The following ANKS1B variants were observed in gnomAD, a reference collection of about 807,000 sequenced individuals.
ANKS1B encodes ankyrin repeat and sterile alpha motif domain-containing protein 1B.
ANKS1B carries 36 observed loss-of-function variants against 148.3 expected under a neutral mutation model. That is an observed-to-expected ratio of 0.24 (90% confidence interval 0.19 to 0.32). ANKS1B has a LOEUF of 0.32. Among genes scored for constraint, ANKS1B ranks in the 10% least tolerant of loss-of-function variants. The probability of loss-of-function intolerance (pLI) is 1.00; values close to 1 mark genes in which losing one functional copy is unlikely to be tolerated. For synonymous variants in ANKS1B, 542 were observed against 560.8 expected (o/e 0.97, Z 0.47); for missense variants, 1,157 against 1,542.6 (o/e 0.75, Z 4.19).
rs529332131 is a variant in ANKS1B at position 99,343,232 on chromosome 12, T to A, written c.1756+56399A>T. Among the ~76,000 whole-genome samples, 5 of 152,134 alleles carry A rather than the reference T, an allele frequency of 3.3e-5. No homozygotes were observed. In the East Asian group the frequency reaches 9.7e-4, roughly 29 times the overall value. ...ATTTAGTGATGAGCAGGAGCCACAT[T>A]CAATGAAGAAAATTAAGTAGCAGTC... On this transcript the variant is annotated intron_variant, in intron 12 of 26. Transcript: ENST00000683438.
intron 8 of ANKS1B, among the ~76,000 whole-genome samples, chr12:99,757,527 C>G (rs554585930): frequency 5.3e-5 from 8 of 152,004 alleles, no homozygotes; most frequent in African/African-American, 9.6e-5. Flanking sequence ...GAAGACAGTA[C>G]GGTGATTCCT....
intron 9 of ANKS1B, among the ~76,000 whole-genome samples, chr12:99,544,344 T>G (rs2097153887): frequency 6.6e-6 from 1 of 152,166 alleles, no homozygotes; most frequent in African/African-American, 2.4e-5. Context: ...CTGCCTTAGG[T>G]GTTCAGATCC....
chr12:99,734,418 C>T (rs537768632), intron 8 of ANKS1B, among the ~76,000 whole-genome samples: 31 of 152,210 alleles, frequency 2.0e-4, no homozygotes, highest in South Asian at 6.2e-4. Context: ...TCAGCACCCC[C>T]GAGTAGCTGG....
chr12:99,173,065 C>T (rs1433679956), intron 14 of ANKS1B, among the ~76,000 whole-genome samples: 1 of 152,128 alleles, frequency 6.6e-6, no homozygotes, highest in African/African-American at 2.4e-5. Context: ...AAGAACTCAT[C>T]AGGAAACTCT....
chr12:99,246,298 ATGG>A lies in ANKS1B; in HGVS notation c.2320_2322del (p.Pro774del). The A allele has an allele frequency of 6.3e-7, 1 of 1,598,476 alleles. No individual in the cohort carries two copies. The highest frequency in any genetic ancestry group is 8.5e-7 in the Non-Finnish European group (1 of 1,171,994). ...ACTTCTTCCCATTCCGATGTGAAGG[ATGG>A]TGTTCTTTCAGAATTCCCTTTAGAA... is the stretch of plus-strand genomic sequence containing the variant. On this transcript the variant is annotated inframe_deletion, in exon 13 of 27. Coordinates refer to ENST00000683438, the MANE Select transcript of ANKS1B (RefSeq NM_001352186.2).
At chr12:98,928,125 TA>T (rs1329436996) in intron 17 of ANKS1B, among the ~76,000 whole-genome samples, 1 of 150,878 alleles carries the variant, frequency 6.6e-6, no homozygotes, top group Non-Finnish European at 1.5e-5. Flanking sequence ...TGTGCAGAAA[TA>T]AAACAAAAGA....
intron 15 of ANKS1B, among the ~76,000 whole-genome samples, chr12:99,118,042 T>C (rs558438774): frequency 6.6e-6 from 1 of 152,364 alleles, no homozygotes; most frequent in East Asian, 1.9e-4. Context: ...TCAGTGGTGA[T>C]ATCCCCTTTA....
At chr12:99,446,138 G>A (rs1268512630) in intron 10 of ANKS1B, among the ~76,000 whole-genome samples, 1 of 151,910 alleles carries the variant, frequency 6.6e-6, no homozygotes, top group East Asian at 1.9e-4. Flanking sequence ...GGTGGGGTGG[G>A]GGAGTAATCA....
At chr12:98,847,977 G>A (rs2099491716) in intron 17 of ANKS1B, among the ~76,000 whole-genome samples, 1 of 152,130 alleles carries the variant, frequency 6.6e-6, no homozygotes, top group Non-Finnish European at 1.5e-5. Flanking sequence ...TTTAATACAT[G>A]TTTATTTTGT....
chr12:99,633,315 C>T (rs10860477), intron 9 of ANKS1B, among the ~76,000 whole-genome samples: 1 of 151,800 alleles, frequency 6.6e-6, no homozygotes, highest in East Asian at 2.0e-4. Context: ...AGAACAGAGC[C>T]CTCAGAAATA....
intron 19 of ANKS1B, among the ~76,000 whole-genome samples, chr12:98,813,076 T>C (rs2099110588): frequency 6.6e-6 from 1 of 152,226 alleles, no homozygotes; most frequent in African/African-American, 2.4e-5. Context: ...TAATTATGTT[T>C]ATGAAAATAA....
rs1476583180 is a variant in ANKS1B at position 99,930,204 on chromosome 12, A to G, written c.134+53900T>C. 1.9e-3 allele frequency among the ~76,000 whole-genome samples: 285 copies of G among 151,272 alleles called. 1 individual carries two copies. Among genetic ancestry groups the G allele is most frequent in the African/African-American group, 6.5e-3 (263 of 40,764 alleles). On this transcript the variant is annotated intron_variant, in intron 1 of 26. Transcript: ENST00000683438. ...AGTGGTTTGTAGTTCTCCTTGAAGAAGTCCTTCACATCCCTTGTAAGTTGG... is the reference window on the plus strand; with the variant it reads ...AGTGGTTTGTAGTTCTCCTTGAAGAGGTCCTTCACATCCCTTGTAAGTTGG...
chr12:99,103,391 G>T (rs529956835), intron 15 of ANKS1B, among the ~76,000 whole-genome samples: 2 of 152,004 alleles, frequency 1.3e-5, no homozygotes, highest in African/African-American at 2.4e-5. Context: ...GAACTCCTTC[G>T]ACATCTCTCC....
chr12:98,750,700 G>T (rs1337744438), intron 26 of ANKS1B, among the ~76,000 whole-genome samples: 2 of 152,214 alleles, frequency 1.3e-5, no homozygotes, highest in African/African-American at 4.8e-5. Context: ...TACCAGAGGA[G>T]GCCGCTTTGA....
chr12:99,416,001 T>C (rs1250956086), intron 11 of ANKS1B, among the ~76,000 whole-genome samples: 1 of 152,054 alleles, frequency 6.6e-6, no homozygotes, highest in East Asian at 1.9e-4. Flanking sequence ...CTTTTATAGC[T>C]ACACTCACTT....
Position 98,834,338 on chromosome 12 carries a change from A to G in ANKS1B, c.2779-2202T>C, listed in dbSNP as rs117547797. On this transcript the variant is annotated intron_variant, in intron 17 of 26. Transcript: ENST00000683438. ...AGGTGTAAGTGAACCATGGCTTTACATTTATGCAGGATACTGTTTTCTGCT... is the reference window on the plus strand; with the variant it reads ...AGGTGTAAGTGAACCATGGCTTTACGTTTATGCAGGATACTGTTTTCTGCT... 3.7e-3 allele frequency among the ~76,000 whole-genome samples: 557 copies of G among 152,314 alleles called. 13 individuals carry two copies. In the East Asian group the frequency reaches 0.053, roughly 15 times the overall value.
rs376105917 is a variant in ANKS1B at position 99,510,094 on chromosome 12, A to G, written c.1273-5453T>C. ...CCACTATTGAGACCTACTATTCACA[A>G]GAAAAGATTCCTTTCAAAATATTAC... On this transcript the variant is annotated intron_variant, in intron 9 of 26. Transcript: ENST00000683438. 9.9e-5 allele frequency among the ~76,000 whole-genome samples: 15 copies of G among 152,136 alleles called. No homozygotes were observed. In the South Asian group the frequency reaches 1.7e-3, roughly 17 times the overall value.
intron 9 of ANKS1B, among the ~76,000 whole-genome samples, chr12:99,650,308 C>CCT (rs72449649): frequency 6.6e-6 from 1 of 151,906 alleles, no homozygotes; most frequent in Non-Finnish European, 1.5e-5. Flanking sequence ...CTCTCTCTCT[C>CCT]CTCTCTCTCT....
chr12:98,940,240 G>A (rs867125282), intron 17 of ANKS1B, among the ~76,000 whole-genome samples: 5 of 152,250 alleles, frequency 3.3e-5, no homozygotes, highest in Middle Eastern at 3.4e-3. Context: ...TCTATGTGGC[G>A]GGGGCAAGAG....
Sources: gnomAD v4.1 joint callset for allele counts (sites outside exome capture counted in the v4.1 genomes callset) on GRCh38, gnomAD v4.1.1 for gene constraint, MANE v1.5 for transcripts, NCBI Gene and HGNC (gene_info 2026-07-23, HGNC 2026-07-21) for gene names.